Variants in TENM4 observed in about 807,000 individuals in gnomAD.
The protein encoded by TENM4 is teneurin-4.
In TENM4, 82 loss-of-function variants were observed where a neutral mutation model predicts 243.3. The observed-to-expected ratio is 0.34, with a 90% CI of 0.28 to 0.40. TENM4 has a LOEUF of 0.40. TENM4 is among the 10% of genes least tolerant of loss of function. The pLI is 1.00. For synonymous variants in TENM4, 1,412 were observed against 1,456.3 expected (o/e 0.97, Z 0.69); for missense variants, 3,138 against 3,673.3 (o/e 0.85, Z 3.77).
At chr11:79,021,786 G>A (rs557878767) in intron 6 of TENM4, 1 of 152,290 alleles carries the variant, frequency 6.6e-6, no homozygotes, top group South Asian at 2.1e-4. Context: ...GGGAAAGTGA[G>A]ACACTCATAG....
chr11:78,899,031 T>C (rs1483941333), intron 7 of TENM4, among the ~76,000 whole-genome samples: 1 of 152,180 alleles, frequency 6.6e-6, no homozygotes, highest in African/African-American at 2.4e-5. Flanking sequence ...TCTTGGACAC[T>C]TTTTCCACTG....
chr11:79,232,847 C>A (rs530222910), intron 2 of TENM4, among the ~76,000 whole-genome samples: 1 of 152,276 alleles, frequency 6.6e-6, no homozygotes, highest in South Asian at 2.1e-4. Context: ...ACCAGGACAC[C>A]CAAGTGAGGT....
intron 19 of TENM4, among the ~76,000 whole-genome samples, chr11:78,754,897 A>G (rs1006928413): frequency 1.3e-5 from 2 of 152,180 alleles, no homozygotes; most frequent in Non-Finnish European, 2.9e-5. Flanking sequence ...TCTGCCACGC[A>G]CTTGCTGGGC....
intron 6 of TENM4, among the ~76,000 whole-genome samples, chr11:78,948,889 A>T (rs926499585): frequency 2.0e-5 from 3 of 152,140 alleles, no homozygotes; most frequent in African/African-American, 7.2e-5. Context: ...TTGTTTTCTC[A>T]TAATTGGATT....
chr11:78,798,037 C>T (rs190110868), intron 15 of TENM4, among the ~76,000 whole-genome samples: 1 of 152,338 alleles, frequency 6.6e-6, no homozygotes, highest in Non-Finnish European at 1.5e-5. Context: ...GGGGAGAATG[C>T]TCAATGCTGA....
chr11:79,073,650 C>A (rs4944219), intron 4 of TENM4, among the ~76,000 whole-genome samples: 138,804 of 152,182 alleles, frequency 0.91, 63,599 homozygotes, highest in Middle Eastern at 0.98. Context: ...CCCAGGCTTG[C>A]GGTATGCATC....
intron 1 of TENM4, among the ~76,000 whole-genome samples, chr11:79,430,497 G>C (rs928732652): frequency 6.6e-6 from 1 of 152,162 alleles, no homozygotes; most frequent in Non-Finnish European, 1.5e-5. Flanking sequence ...CTTCTGGAGA[G>C]TGATGATCCT....
chr11:79,002,466 A>G (rs913371780), intron 6 of TENM4, among the ~76,000 whole-genome samples: 1 of 152,200 alleles, frequency 6.6e-6, no homozygotes, highest in African/African-American at 2.4e-5. Context: ...CAGGTTCCTA[A>G]CCTCTAGAAC....
intron 18 of TENM4, among the ~76,000 whole-genome samples, chr11:78,758,519 T>C (rs1856361943): frequency 1.3e-5 from 2 of 152,196 alleles, no homozygotes; most frequent in Admixed American, 1.3e-4. Flanking sequence ...CCACATTTCA[T>C]AAATAATGTG....
intron 6 of TENM4, among the ~76,000 whole-genome samples, chr11:78,999,383 G>A (rs1296524163): frequency 6.6e-6 from 1 of 152,070 alleles, no homozygotes; most frequent in Non-Finnish European, 1.5e-5. Context: ...AGGCGTGGTG[G>A]TGTGCGCCTG....
At chr11:78,858,625 A>G (rs60954251) in intron 10 of TENM4, among the ~76,000 whole-genome samples, 2,773 of 152,302 alleles carry the variant, frequency 0.018, 79 homozygotes, top group African/African-American at 0.057. Flanking sequence ...TCTAGATGCT[A>G]TAAGACTTTT....
At chr11:79,216,370 G>A (rs1347463093) in intron 2 of TENM4, among the ~76,000 whole-genome samples, 2 of 152,178 alleles carry the variant, frequency 1.3e-5, no homozygotes, top group Admixed American at 1.3e-4. Flanking sequence ...TGCAACATGG[G>A]GCTAAGGTCT....
intron 9 of TENM4, among the ~76,000 whole-genome samples, chr11:78,866,087 C>T (rs1412280366): frequency 9.2e-5 from 14 of 152,218 alleles, no homozygotes; most frequent in Admixed American, 9.2e-4. Context: ...CTCTCCTCTA[C>T]CTCCTATGTA....
intron 6 of TENM4, among the ~76,000 whole-genome samples, chr11:78,908,133 G>T (rs1431312596): frequency 6.6e-6 from 1 of 152,116 alleles, no homozygotes; most frequent in South Asian, 2.1e-4. Context: ...TCATAGTGAG[G>T]CTCCTTTACA....
At chr11:79,064,324 T>C (rs1341738916) in intron 6 of TENM4, among the ~76,000 whole-genome samples, 1 of 152,112 alleles carries the variant, frequency 6.6e-6, no homozygotes, top group Non-Finnish European at 1.5e-5. Flanking sequence ...TGGGACAGCG[T>C]TCCTAGAGGT....
intron 2 of TENM4, among the ~76,000 whole-genome samples, chr11:79,270,263 T>C (rs532347566): frequency 2.0e-5 from 3 of 152,194 alleles, no homozygotes; most frequent in South Asian, 2.1e-4. Flanking sequence ...TTAGCACTTA[T>C]GGGTGTGCAC....
chr11:79,214,146 C>A (rs1371147827), intron 3 of TENM4, among the ~76,000 whole-genome samples: 1 of 152,050 alleles, frequency 6.6e-6, no homozygotes, highest in Non-Finnish European at 1.5e-5. Flanking sequence ...TACCTGCCAC[C>A]ACGCCTGGCT....
chr11:78,846,159 T>C (rs1858388341), intron 12 of TENM4, among the ~76,000 whole-genome samples: 1 of 152,246 alleles, frequency 6.6e-6, no homozygotes, highest in Admixed American at 6.5e-5. Flanking sequence ...ACTCTGCTAT[T>C]TCCTATTTAT....
At chr11:78,994,947 C>A (rs1858135100) in intron 6 of TENM4, among the ~76,000 whole-genome samples, 1 of 152,132 alleles carries the variant, frequency 6.6e-6, no homozygotes, top group African/African-American at 2.4e-5. Flanking sequence ...GAATAAAACG[C>A]AATTCTGGTC....
Sources: allele counts gnomAD v4.1 joint callset (sites outside exome capture counted in the v4.1 genomes callset), GRCh38; gene constraint gnomAD v4.1.1; transcripts MANE v1.5; gene names NCBI Gene and HGNC (gene_info 2026-07-23, HGNC 2026-07-21).